Variants in CDADC1 observed in about 807,000 individuals in gnomAD.
CDADC1 encodes the protein cytidine and dCMP deaminase domain containing 1.
CDADC1 carries 39 observed loss-of-function variants against 54.9 expected under a neutral mutation model. The observed-to-expected ratio is 0.71, with a 90% confidence interval of 0.55 to 0.93. The LOEUF is 0.93. Among genes scored for constraint, CDADC1 ranks in the 40% least tolerant of loss-of-function variants. The pLI is 0.00. For missense variants in CDADC1, 518 were observed against 618.8 expected (o/e 0.84, Z 1.73); for synonymous variants, 186 against 204.0 (o/e 0.91, Z 0.75).
chr13:49,272,566 G>A (rs77299333), intron 5 of CDADC1, among the ~76,000 whole-genome samples: 1,553 of 151,924 alleles, frequency 0.01, 26 homozygotes, highest in African/African-American at 0.036. Context: ...AGGGACTACA[G>A]TTTCCCTCAC....
Position 49,292,450 on chromosome 13 carries a change from C to G in CDADC1, c.*693C>G, listed in dbSNP as rs1953739106. ...TCTTGAAATCACTAACAGTGAACCT[C>G]AAATTTGGTTATGATGTTAACAGAG... On this transcript the variant is annotated 3_prime_UTR_variant, in exon 10 of 10. Transcript: ENST00000251108. 9.9e-7 allele frequency: 1 copy of G among 1,011,208 alleles called. No homozygotes were observed. The highest frequency in any genetic ancestry group is 5.5e-5 in the Admixed American group (1 of 18,240). The allele number at this position is 1,011,208 out of a possible 1,614,324, so 62.6% of individuals were successfully genotyped here. A position where few individuals can be genotyped will look rare whatever the true frequency, so the allele number is the denominator to read the frequency against.
chr13:49,251,355 C>T (rs61198714), intron 2 of CDADC1, among the ~76,000 whole-genome samples: 1,635 of 148,766 alleles, frequency 0.011, 23 homozygotes, highest in African/African-American at 0.037. Flanking sequence ...TTGCATTGAG[C>T]TGAGATCACG....
intron 7 of CDADC1, among the ~76,000 whole-genome samples, chr13:49,278,781 T>C (rs1953224401): frequency 6.6e-6 from 1 of 152,222 alleles, no homozygotes; most frequent in African/African-American, 2.4e-5. Context: ...CTGCTTTAAG[T>C]TTATCCTTTG....
In CDADC1 at chr13:49,248,120, G is replaced by A; in HGVS notation, c.82+1G>A. ...AGCACCCAGACTGGCAGCATGACCG[G>A]TGAGTGTCCGGGACCCTGCTCCCGC... On this transcript the variant is annotated splice_donor_variant, in intron 1 of 9. Transcript: ENST00000251108. LOFTEE classifies it high-confidence loss of function. 3.2e-6 allele frequency: 5 copies of A among 1,550,970 alleles called. No individual in the cohort carries two copies. Among genetic ancestry groups the A allele is most frequent in the Non-Finnish European group, 4.4e-6 (5 of 1,146,802 alleles).
At chr13:49,264,848 T>G (rs1178422204) in intron 4 of CDADC1, among the ~76,000 whole-genome samples, 2 of 152,192 alleles carry the variant, frequency 1.3e-5, no homozygotes. Flanking sequence ...CAAGTTTAAC[T>G]CACTGAATTC....
intron 6 of CDADC1, 50 bp from the exon 7 acceptor site, chr13:49,278,300 G>A (rs1953204798): frequency 1.5e-6 from 2 of 1,343,710 alleles, no homozygotes; most frequent in Non-Finnish European, 1.0e-6. Context: ...ACATTGCAAA[G>A]TGTCTTTTCA....
At chr13:49,277,775 TAATA>T (rs1221007573) in intron 6 of CDADC1, among the ~76,000 whole-genome samples, 1 of 152,202 alleles carries the variant, frequency 6.6e-6, no homozygotes, top group African/African-American at 2.4e-5. Context: ...AATATGCATA[TAATA>T]GAGGCTTAAT....
intron 9 of CDADC1, among the ~76,000 whole-genome samples, chr13:49,289,069 A>G (rs1372797196): frequency 2.1e-5 from 3 of 145,592 alleles, no homozygotes; most frequent in Non-Finnish European, 4.5e-5. Flanking sequence ...TAAACTTATT[A>G]GTAGTCAGAG....
rs946999358 is a variant in CDADC1, at chr13:49,284,991, T to C, written c.1411-1231T>C. Among the ~76,000 whole-genome samples, 13 of 152,296 alleles carry C rather than the reference T, an allele frequency of 8.5e-5. No homozygotes were observed. In the East Asian group the frequency reaches 2.1e-3, roughly 25 times the overall value. On this transcript the variant is annotated intron_variant, in intron 8 of 9. Transcript: ENST00000251108. ...TATTTTCTCCTGCCCCAATATTCTA[T>C]GTAATATCTGTGAATCTTCAGGCTT...
At chr13:49,251,061 G>T (rs1952418512) in intron 2 of CDADC1, among the ~76,000 whole-genome samples, 1 of 151,768 alleles carries the variant, frequency 6.6e-6, no homozygotes, top group South Asian at 2.1e-4. Flanking sequence ...GTTTTGTTTT[G>T]TTTTCAGATA....
At chr13:49,257,694 G>A (rs1232066209) in intron 3 of CDADC1, among the ~76,000 whole-genome samples, 4 of 152,130 alleles carry the variant, frequency 2.6e-5, no homozygotes, top group African/African-American at 9.7e-5. Context: ...CCCGGGAGGC[G>A]GAGCTTGCAG....
At chr13:49,258,252 G>A (rs989452824) in intron 3 of CDADC1, among the ~76,000 whole-genome samples, 1 of 152,174 alleles carries the variant, frequency 6.6e-6, no homozygotes, top group Non-Finnish European at 1.5e-5. Context: ...CTGTATTGGG[G>A]GATAAGTATA....
intron 9 of CDADC1, among the ~76,000 whole-genome samples, chr13:49,287,484 A>ATCTGTCTATCTATCTATCTATCTG (rs56116915): frequency 1.3e-5 from 2 of 151,592 alleles, no homozygotes; most frequent in East Asian, 3.9e-4. Context: ...CTATCTATCT[A>ATCTGTCTATCTATCTATCTATCTG]TCTATCTATC....
chr13:49,291,830 C>A lies in CDADC1; in HGVS notation c.*73C>A. 2 of 1,547,554 alleles carry A rather than the reference C, an allele frequency of 1.3e-6. No individual in the cohort carries two copies. The highest frequency in any genetic ancestry group is 1.2e-5 in the South Asian group (1 of 81,806). On this transcript the variant is annotated 3_prime_UTR_variant, in exon 10 of 10. Coordinates refer to ENST00000251108, the MANE Select transcript of CDADC1 (RefSeq NM_030911.4). ...CTTCTAAAATTCAGCCTTGTTCATT[C>A]AGAAAATAAGGATGGATTTTGTGAA...
chr13:49,267,785 A>G lies in CDADC1; in HGVS notation c.726A>G (p.Leu242=). The G allele has an allele frequency of 1.9e-6, 3 of 1,612,170 alleles. No homozygotes were observed. The highest frequency in any genetic ancestry group is 2.5e-6 in the Non-Finnish European group (3 of 1,178,548). The part of the protein sequence containing the change: ...KQERIKEYEM[L]FLVSNEEMHK... ...AAAGAATAAAAGAATATGAAATGTT[A>G]TTTTTGGTTTCAAATGAAGAAATGC... Residue 242 remains leucine, a synonymous_variant, in exon 5 of 10, where the codon TTA becomes TTG. Transcript: ENST00000251108.
rs1284795735 is a variant in CDADC1 at position 49,247,986 on chromosome 13, TC to T, written c.-51del. The T allele has an allele frequency of 6.6e-7, 1 of 1,505,222 alleles. No homozygotes were observed. The highest frequency in any genetic ancestry group is 1.4e-5 in the African/African-American group (1 of 72,116). The allele number at this position is 1,505,222 out of a possible 1,614,324, so 93.2% of individuals were successfully genotyped here. ...AGAGGCGGGGGCGCTAGGGCCGAGA[TC>T]ATGTCTGACTGGGAGAGGTTTCCTT... On this transcript the variant is annotated 5_prime_UTR_variant, in exon 1 of 10. Transcript: ENST00000251108.
chr13:49,292,514 C>A lies in CDADC1; in HGVS notation c.*757C>A. ...GTCTGGAATATTGAAACTAGCTTTC[C>A]TAGAATTCCATTAATAAATGCTGCT... On this transcript the variant is annotated 3_prime_UTR_variant, in exon 10 of 10. Coordinates refer to ENST00000251108, the MANE Select transcript of CDADC1 (RefSeq NM_030911.4). 1.9e-6 allele frequency: 2 copies of A among 1,031,376 alleles called. No individual in the cohort carries two copies. The highest frequency in any genetic ancestry group is 5.4e-5 in the Admixed American group (1 of 18,646). The allele number at this position is 1,031,376 out of a possible 1,614,324, so 63.9% of individuals were successfully genotyped here. A position where few individuals can be genotyped will look rare whatever the true frequency, so the allele number is the denominator to read the frequency against.
rs115271341 is a variant in CDADC1, at chr13:49,270,900, C to T, written c.1000+2841C>T. On this transcript the variant is annotated intron_variant, in intron 5 of 9. Coordinates refer to ENST00000251108, the MANE Select transcript of CDADC1 (RefSeq NM_030911.4). ...AGGTGGATATCCCTATGATACAGTG[C>T]GCTTCCAATTAAGCTTTTAATTTCA... 1.1e-3 allele frequency among the ~76,000 whole-genome samples: 167 copies of T among 152,292 alleles called. 1 individual carries two copies. The highest frequency in any genetic ancestry group is 3.6e-3 in the African/African-American group (149 of 41,572).
In CDADC1 at chr13:49,291,896, G is replaced by T; in HGVS notation, c.*139G>T. On this transcript the variant is annotated 3_prime_UTR_variant, in exon 10 of 10. Coordinates refer to ENST00000251108, the MANE Select transcript of CDADC1 (RefSeq NM_030911.4). ...TTTAAGGAAGCTAATTTATTTCTAG[G>T]ATACAAATGGTGTTAATAAGAATAT... 1 of 1,424,532 alleles carries T rather than the reference G, an allele frequency of 7.0e-7. No homozygotes were observed. Among genetic ancestry groups the T allele is most frequent in the Non-Finnish European group, 9.2e-7 (1 of 1,087,338 alleles). The allele number at this position is 1,424,532 out of a possible 1,614,324, so 88.2% of individuals were successfully genotyped here.
Sources: gnomAD v4.1 joint callset for allele counts (sites outside exome capture counted in the v4.1 genomes callset) on GRCh38, gnomAD v4.1.1 for gene constraint, MANE v1.5 for transcripts, NCBI Gene and HGNC (gene_info 2026-07-23, HGNC 2026-07-21) for gene names.